Variants in CCDC85C observed in about 807,000 individuals in gnomAD.
CCDC85C encodes the protein coiled-coil domain containing 85C, also known as coiled-coil domain-containing protein 85C.
In CCDC85C, 18 loss-of-function variants were observed where a neutral mutation model predicts 38.3. The observed-to-expected ratio is 0.47, with a 90% confidence interval of 0.33 to 0.70. The LOEUF is 0.70. Ranked by LOEUF, CCDC85C falls within the 30% of genes least tolerant of loss-of-function variation. The pLI is 0.03. For missense variants in CCDC85C, 566 were observed against 621.2 expected, an observed-to-expected ratio of 0.91 and a Z score of 0.94; for synonymous variants, 264 against 293.8, an observed-to-expected ratio of 0.90 and a Z score of 1.04.
chr14:99,603,644 G>C lies in CCDC85C; in HGVS notation c.316C>G (p.Gln106Glu). 2 of 1,475,952 alleles carry C rather than the reference G, an allele frequency of 1.4e-6. No individual in the cohort carries two copies. The highest frequency in any genetic ancestry group is 1.8e-6 in the Non-Finnish European group (2 of 1,114,168). 91.4% of individuals were successfully genotyped at this position (1,475,952 alleles called of 1,614,324 possible). Residue 106 changes from glutamine (Q) to glutamate (E), a missense_variant, in exon 1 of 6, where the codon CAG becomes GAG. By Grantham distance (29) the Gln-to-Glu change is conservative. This residue lies in a region of CCDC85C where 269 missense variants were observed against 308.2 expected (regional missense o/e 0.87). Coordinates refer to ENST00000380243, the MANE Select transcript of CCDC85C (RefSeq NM_001144995.2). This position sits in a 1 kb window ranked among gnomAD's most constrained non-coding sequence, Gnocchi z 7.5. ...CCGGCCGCGTGGCGCCCGAAGCGCT[G>C]CCACTCGCGCGCCAGCTTGCGCCCC... ...QKGRKLAREW[Q>E]RFGRHAAGAV... is the part of the protein sequence containing the mutation.
rs1474860600 is a variant in CCDC85C, at chr14:99,504,009, G to A, written c.*11237C>T. ...AAGCACCAAGCCACAGCAGATGCGG[G>A]GGGGCAGTAGGGGGTGGTGTGCTGC... On this transcript the variant is annotated 3_prime_UTR_variant, in exon 6 of 6. Coordinates refer to ENST00000380243, the MANE Select transcript of CCDC85C (RefSeq NM_001144995.2). 1.7e-5 allele frequency: 6 copies of A among 354,688 alleles called. No individual in the cohort carries two copies. Among genetic ancestry groups the A allele is most frequent in the Non-Finnish European group, 3.3e-5 (6 of 183,680 alleles). 22.0% of individuals were successfully genotyped at this position (354,688 alleles called of 1,614,324 possible). A position where few individuals can be genotyped will look rare whatever the true frequency, so the allele number is the denominator to read the frequency against.
rs561891381 is a variant in CCDC85C, at chr14:99,588,178, G to A, written c.793+14989C>T. On this transcript the variant is annotated intron_variant, in intron 1 of 5. Transcript: ENST00000380243. This position sits in a 1 kb window ranked among gnomAD's most constrained non-coding sequence, Gnocchi z 5.0. ...GTCTGGGGAGACAAGCATCTCAGCC[G>A]AACACAACAGTCACCCTGGGACAGT... Among the ~76,000 whole-genome samples, 11 of 152,110 alleles carry A rather than the reference G, an allele frequency of 7.2e-5. No individual in the cohort carries two copies. Among genetic ancestry groups the A allele is most frequent in the Admixed American group, 1.3e-4 (2 of 15,286 alleles).
rs1896835466 is a variant in CCDC85C, at chr14:99,501,724, A to G, written c.*13522T>C. 1 of 333,340 alleles carries G rather than the reference A, an allele frequency of 3.0e-6. No homozygotes were observed. Among genetic ancestry groups the G allele is most frequent in the Non-Finnish European group, 5.4e-6 (1 of 183,806 alleles). The allele number at this position is 333,340 out of a possible 1,614,324, so 20.6% of individuals were successfully genotyped here. On this transcript the variant is annotated 3_prime_UTR_variant, in exon 6 of 6. Transcript: ENST00000380243. The stretch of plus-strand genomic sequence containing the variant: ...TTAGAGCCCATTTGGTTTTGCAAAA[A>G]TATACTTCCTGGTATAGTTTTAGAG...
In CCDC85C at chr14:99,572,370, C is replaced by A. The variant is rs571286490; in HGVS notation, c.793+30797G>T. On this transcript the variant is annotated intron_variant, in intron 1 of 5. Coordinates refer to ENST00000380243, the MANE Select transcript of CCDC85C (RefSeq NM_001144995.2). This position sits in a 1 kb window ranked among gnomAD's most constrained non-coding sequence, Gnocchi z 4.4. Reference sequence around the variant, plus strand: ...ATGTGGCCTTCCTCACGGGACACTGCGGGCGCTGCGGGCTAGTGTCTCAGC... The same window carrying A: ...ATGTGGCCTTCCTCACGGGACACTGAGGGCGCTGCGGGCTAGTGTCTCAGC... Among the ~76,000 whole-genome samples the A allele has an allele frequency of 6.6e-6, 1 of 152,198 alleles. No homozygotes were observed.
intron 2 of CCDC85C, among the ~76,000 whole-genome samples, chr14:99,532,620 G>A (rs900670694): frequency 1.3e-5 from 2 of 152,084 alleles, no homozygotes; most frequent in African/African-American, 4.8e-5. Context: ...GAATCCAAAG[G>A]CAGGCTTGGG....
rs575420633 is a variant in CCDC85C, at chr14:99,555,894, G to T, written c.794-19806C>A. On this transcript the variant is annotated intron_variant, in intron 1 of 5. Transcript: ENST00000380243. ...TCACACCCCAAGATGCACACCTCAG[G>T]TTCCCCTGATCAGACACACGTCCCT... Among the ~76,000 whole-genome samples, 13 of 152,282 alleles carry T rather than the reference G, an allele frequency of 8.5e-5. No individual in the cohort carries two copies. In the South Asian group the frequency reaches 2.3e-3, roughly 27 times the overall value.
Position 99,517,109 on chromosome 14 carries a change from C to G in CCDC85C, c.1050G>C (p.Glu350Asp). 1 of 1,550,510 alleles carries G rather than the reference C, an allele frequency of 6.4e-7. No individual in the cohort carries two copies. The highest frequency in any genetic ancestry group is 8.7e-7 in the Non-Finnish European group (1 of 1,146,922). Residue 350 changes from glutamate (E) to aspartate (D), a missense_variant, in exon 4 of 6, where the codon GAG becomes GAC. Physicochemically the swap from Glu to Asp is conservative, Grantham distance 45 (BLOSUM62 2). Coordinates refer to ENST00000380243, the MANE Select transcript of CCDC85C (RefSeq NM_001144995.2). ...TCACCTTCATGGCATGCACGACAGC[C>G]TCGGGCTTCTGTCCTGCAGGGCTGT... Reference protein sequence around the residue: ...AGYSPAGQKPEAVVHAMKVLE... With the variant: ...AGYSPAGQKPDAVVHAMKVLE...
intron 1 of CCDC85C, among the ~76,000 whole-genome samples, chr14:99,596,739 G>A (rs574794562): frequency 8.5e-5 from 13 of 152,316 alleles, no homozygotes; most frequent in African/African-American, 3.1e-4. Context: ...AGCCTTTGGG[G>A]ATGCCAATAG....
intron 1 of CCDC85C, among the ~76,000 whole-genome samples, chr14:99,539,184 T>C (rs1303097893): frequency 6.6e-6 from 1 of 152,222 alleles, no homozygotes; most frequent in East Asian, 1.9e-4. Flanking sequence ...AAAGAATTAA[T>C]TCTAGGCTGG....
intron 1 of CCDC85C, among the ~76,000 whole-genome samples, chr14:99,539,819 C>T (rs1259050488): frequency 6.6e-6 from 1 of 152,124 alleles, no homozygotes; most frequent in African/African-American, 2.4e-5. Context: ...TTCAAATAAT[C>T]GACTTGTAGT....
intron 2 of CCDC85C, among the ~76,000 whole-genome samples, chr14:99,525,945 C>CAT (rs1467056045): frequency 6.6e-6 from 1 of 152,222 alleles, no homozygotes; most frequent in East Asian, 1.9e-4. Flanking sequence ...CCCTTGGCAC[C>CAT]GTGTGGCACA....
At chr14:99,555,984 G>A (rs774053729) in intron 1 of CCDC85C, among the ~76,000 whole-genome samples, 2 of 152,222 alleles carry the variant, frequency 1.3e-5, no homozygotes, top group Non-Finnish European at 2.9e-5. Flanking sequence ...CAGACAGCCC[G>A]ATCGGCTGAT....
rs557378973 is a variant in CCDC85C, at chr14:99,533,301, A to G, written c.867+2714T>C. ...AAGACCTCTGCCTGCTGCAGAGTCC[A>G]TGCTGAGAAAGCAGCTAGGGATGGG... On this transcript the variant is annotated intron_variant, in intron 2 of 5. Coordinates refer to ENST00000380243, the MANE Select transcript of CCDC85C (RefSeq NM_001144995.2). The surrounding 1 kb of genome is among the most constrained non-coding windows in gnomAD (Gnocchi z 4.2). Among the ~76,000 whole-genome samples, 28 of 152,344 alleles carry G rather than the reference A, an allele frequency of 1.8e-4. No homozygotes were observed. Among genetic ancestry groups the G allele is most frequent in the Middle Eastern group, 3.4e-3 (1 of 294 alleles).
intron 1 of CCDC85C, among the ~76,000 whole-genome samples, chr14:99,586,917 G>A (rs900140112): frequency 2.6e-5 from 4 of 152,172 alleles, no homozygotes; most frequent in Non-Finnish European, 5.9e-5. Context: ...AGCCAAGCCC[G>A]CAGCCACGGG....
Position 99,603,787 on chromosome 14 carries a change from C to T in CCDC85C, c.173G>A (p.Arg58Gln), listed in dbSNP as rs866630094. 2 of 1,525,714 alleles carry T rather than the reference C, an allele frequency of 1.3e-6. No individual in the cohort carries two copies. The highest frequency in any genetic ancestry group is 1.8e-6 in the Non-Finnish European group (2 of 1,142,440). The allele number at this position is 1,525,714 out of a possible 1,614,324, so 94.5% of individuals were successfully genotyped here. The change falls in exon 1 of 6, where the codon CGG (arginine) becomes CAG (glutamine). Residue 58 changes from arginine (R) to glutamine (Q), a missense_variant. Physicochemically the swap from Arg to Gln is conservative, Grantham distance 43. Transcript: ENST00000380243. This position sits in a 1 kb window ranked among gnomAD's most constrained non-coding sequence, Gnocchi z 7.5. ...CTCCAGCAGGTGCTGCTGCAGCCGC[C>T]GGTTCACGTCGCGCATCAGGCCGCC... ...EHGGLMRDVN[R>Q]RLQQHLLEIR...
At position 99,538,501 on chromosome 14, in the gene CCDC85C, T is replaced by A. The variant is rs139513841; in HGVS notation, c.794-2413A>T. On this transcript the variant is annotated intron_variant, in intron 1 of 5. Coordinates refer to ENST00000380243, the MANE Select transcript of CCDC85C (RefSeq NM_001144995.2). ...AGCCAGGGGGAGGACCCAGCCACTG[T>A]GTGTGACCAACAGCCCAAGATGGGC... 8.7e-4 allele frequency among the ~76,000 whole-genome samples: 132 copies of A among 152,366 alleles called. No individual in the cohort carries two copies. The East Asian group carries it at 0.023, about 27-fold the overall frequency.
chr14:99,600,165 A>G (rs915430769), intron 1 of CCDC85C, among the ~76,000 whole-genome samples: 11 of 152,256 alleles, frequency 7.2e-5, no homozygotes, highest in Non-Finnish European at 1.6e-4. Context: ...AGCAGCAAGC[A>G]CTTTTGAAGA....
intron 2 of CCDC85C, among the ~76,000 whole-genome samples, chr14:99,527,389 G>A (rs1247704898): frequency 6.6e-6 from 1 of 152,206 alleles, no homozygotes; most frequent in Non-Finnish European, 1.5e-5. Flanking sequence ...CGGGCATGGG[G>A]TGGAAGACCC....
chr14:99,504,036 C>T lies in CCDC85C; in HGVS notation c.*11210G>A, dbSNP rs1314237302. Reference sequence around the variant, plus strand: ...GGGCAGTAGGGGGTGGTGTGCTGCCCGGACAGCACCAGCCCGGCCCAGCCC... The same window carrying T: ...GGGCAGTAGGGGGTGGTGTGCTGCCTGGACAGCACCAGCCCGGCCCAGCCC... On this transcript the variant is annotated 3_prime_UTR_variant, in exon 6 of 6. Transcript: ENST00000380243. 8 of 368,376 alleles carry T rather than the reference C, an allele frequency of 2.2e-5. No homozygotes were observed. Among genetic ancestry groups the T allele is most frequent in the Non-Finnish European group, 3.7e-5 (7 of 188,428 alleles). 22.8% of individuals were successfully genotyped at this position (368,376 alleles called of 1,614,324 possible).
Sources: allele counts gnomAD v4.1 joint callset (sites outside exome capture counted in the v4.1 genomes callset), GRCh38; gene constraint gnomAD v4.1.1; regional missense constraint gnomAD v4.1.1; non-coding constraint Gnocchi (gnomAD v3.1); transcripts MANE v1.5; gene names NCBI Gene and HGNC (gene_info 2026-07-23, HGNC 2026-07-21).